LUC7L: variants seen among roughly 807,000 people sequenced by gnomAD.
The protein encoded by LUC7L is putative RNA-binding protein Luc7-like 1.
A neutral mutation model predicts 51.1 loss-of-function variants in LUC7L; 29 were observed. The ratio of observed to expected loss-of-function variants is 0.57; its 90% CI spans 0.42 to 0.77. The LOEUF is 0.77. Ranked by LOEUF, LUC7L falls within the 30% of genes least tolerant of loss-of-function variation. The probability of loss-of-function intolerance (pLI) is 0.00; values close to 1 mark genes in which losing one functional copy is unlikely to be tolerated. For synonymous variants in LUC7L, 181 were observed against 180.7 expected, an observed-to-expected ratio of 1.00 and a Z score of -0.01; for missense variants, 403 against 511.9, an observed-to-expected ratio of 0.79 and a Z score of 2.05.
intron 2 of LUC7L, among the ~76,000 whole-genome samples, chr16:224,827 G>A (rs1251652455): frequency 1.3e-5 from 2 of 151,222 alleles, no homozygotes; most frequent in African/African-American, 4.9e-5. Context: ...GTGAGACTCC[G>A]TCTGAAAAAA....
At position 208,198 on chromosome 16, in the gene LUC7L, G is replaced by C. The variant is rs982526298; in HGVS notation, c.256-10C>G. 17 of 1,570,394 alleles carry C rather than the reference G, an allele frequency of 1.1e-5. No individual in the cohort carries two copies. Among genetic ancestry groups the C allele is most frequent in the Non-Finnish European group, 1.2e-5 (14 of 1,140,754 alleles). Reference sequence around the variant, plus strand: ...CCAAGTGATCCATTGCCTAGCACGGGAAAAGCACAGCGCTATAATCAATGA... The same window carrying C: ...CCAAGTGATCCATTGCCTAGCACGGCAAAAGCACAGCGCTATAATCAATGA... On this transcript the variant is annotated splice_polypyrimidine_tract_variant and intron_variant, in intron 3 of 9. Coordinates refer to ENST00000293872, the MANE Select transcript of LUC7L (RefSeq NM_201412.3).
intron 4 of LUC7L, among the ~76,000 whole-genome samples, chr16:207,410 T>C (rs909296027): frequency 2.0e-5 from 3 of 152,042 alleles, no homozygotes; most frequent in Admixed American, 1.3e-4. Context: ...TTTGTAGAGA[T>C]GGGGTTTCTT....
intron 3 of LUC7L, among the ~76,000 whole-genome samples, chr16:217,783 A>T (rs189065318): frequency 9.9e-5 from 15 of 152,084 alleles, no homozygotes; most frequent in Non-Finnish European, 2.1e-4. Flanking sequence ...TCACGCCTAT[A>T]ATCACAACAC....
At chr16:219,258 G>A (rs182732279) in intron 3 of LUC7L, among the ~76,000 whole-genome samples, 11 of 152,068 alleles carry the variant, frequency 7.2e-5, no homozygotes, top group East Asian at 5.8e-4. Context: ...GCATGGTGGC[G>A]CATGCCTGTC....
chr16:207,142 T>G (rs1251957394), intron 4 of LUC7L, among the ~76,000 whole-genome samples: 5 of 150,872 alleles, frequency 3.3e-5, no homozygotes, highest in African/African-American at 1.2e-4. Context: ...GAGCTTGCAG[T>G]GAGTCGAGAT....
upstream of LUC7L, chr16:229,449 TC>T: frequency 1.0e-6 from 1 of 981,940 alleles, no homozygotes; most frequent in Non-Finnish European, 1.4e-6. Flanking sequence ...CTCGGCTCTT[TC>T]CCGCCGCGGG....
intron 2 of LUC7L, among the ~76,000 whole-genome samples, chr16:224,557 C>T (rs943722669): frequency 6.6e-6 from 1 of 151,168 alleles, no homozygotes; most frequent in African/African-American, 2.4e-5. Flanking sequence ...AGGCCAGGCG[C>T]GGTGGCTCAT....
chr16:211,569 G>A (rs1054650241), intron 3 of LUC7L, among the ~76,000 whole-genome samples: 1 of 152,158 alleles, frequency 6.6e-6, no homozygotes, highest in Non-Finnish European at 1.5e-5. Context: ...TCCCTTCAAA[G>A]TGTTTCTCAA....
chr16:192,955 T>G lies in LUC7L; in HGVS notation c.748A>C (p.Arg250=). 6.2e-7 allele frequency: 1 copy of G among 1,613,406 alleles called. No individual in the cohort carries two copies. ...CTGCTCAGACGCTCCTCCCGTTCCC[T>G]CTCCTCTCTCCTCCTCAAGCGATCC... The part of the protein sequence containing the change: ...NQDRLRRREE[R]EREERLSRRS... The change falls in exon 7 of 10, where the codon AGG becomes CGG. Residue 250 remains arginine, a synonymous_variant. Coordinates refer to ENST00000293872, the MANE Select transcript of LUC7L (RefSeq NM_201412.3).
chr16:197,829 G>A (rs909688000), intron 6 of LUC7L, among the ~76,000 whole-genome samples: 3 of 152,146 alleles, frequency 2.0e-5, no homozygotes, highest in Non-Finnish European at 4.4e-5. Flanking sequence ...TACATTTCAG[G>A]TATACAGGGG....
At chr16:205,583 A>C (rs1176103290) in intron 5 of LUC7L, among the ~76,000 whole-genome samples, 2 of 152,090 alleles carry the variant, frequency 1.3e-5, no homozygotes, top group Non-Finnish European at 2.9e-5. Flanking sequence ...AACTGCTTGC[A>C]AAAACAGCGT....
intron 1 of LUC7L, chr16:228,450 T>C (rs2050181669): frequency 1.6e-6 from 2 of 1,254,726 alleles, no homozygotes; most frequent in Non-Finnish European, 1.0e-6. Context: ...TTGTATGAAA[T>C]AAAAATATGG....
At chr16:213,700 C>T (rs1164919550) in intron 3 of LUC7L, among the ~76,000 whole-genome samples, 1 of 151,358 alleles carries the variant, frequency 6.6e-6, no homozygotes, top group Non-Finnish European at 1.5e-5. Context: ...CCACCGCACC[C>T]GGCAGAAATC....
intron 2 of LUC7L, among the ~76,000 whole-genome samples, chr16:222,090 A>G (rs1398498838): frequency 6.6e-6 from 1 of 152,222 alleles, no homozygotes; most frequent in African/African-American, 2.4e-5. Context: ...TAAGAACAGC[A>G]TGATGTGCTA....
intron 3 of LUC7L, among the ~76,000 whole-genome samples, chr16:213,273 G>C (rs2049696276): frequency 6.6e-6 from 1 of 152,176 alleles, no homozygotes; most frequent in Non-Finnish European, 1.5e-5. Context: ...GATGAGGACA[G>C]GGAGGGTATC....
intron 5 of LUC7L, among the ~76,000 whole-genome samples, chr16:200,989 G>A (rs2049307665): frequency 6.6e-6 from 1 of 151,706 alleles, no homozygotes; most frequent in South Asian, 2.1e-4. Flanking sequence ...CCGAGAAGGT[G>A]AAACCCCGTC....
intron 5 of LUC7L, among the ~76,000 whole-genome samples, chr16:204,398 C>A (rs1178649229): frequency 6.6e-5 from 10 of 152,004 alleles, no homozygotes; most frequent in Admixed American, 6.6e-4. Flanking sequence ...TTGAGACCAT[C>A]CTGGCTAACA....
chr16:227,493 G>T, intron 1 of LUC7L, 157 bp from the exon 2 acceptor site: 2 of 1,447,278 alleles, frequency 1.4e-6, no homozygotes, highest in South Asian at 2.8e-5. Context: ...ATTTACAACT[G>T]GAGTGGAATA....
chr16:228,476 C>T (rs996647523), intron 1 of LUC7L: 1 of 1,250,690 alleles, frequency 8.0e-7, no homozygotes, highest in Non-Finnish European at 1.0e-6. Context: ...AATTCAAAAG[C>T]AACTCAATAT....
Sources: gnomAD v4.1 joint callset for allele counts (sites outside exome capture counted in the v4.1 genomes callset) on GRCh38, gnomAD v4.1.1 for gene constraint, MANE v1.5 for transcripts, NCBI Gene and HGNC (gene_info 2026-07-23, HGNC 2026-07-21) for gene names.